The following PSD2 variants were observed in gnomAD, a reference collection of about 807,000 sequenced individuals.
The protein encoded by PSD2 is pleckstrin and Sec7 domain containing 2.
Under a neutral mutation model 69.8 loss-of-function variants are expected in PSD2, and 38 were observed. The observed-to-expected ratio is 0.54, with a 90% CI of 0.42 to 0.71. The LOEUF (loss-of-function observed/expected upper bound fraction) is 0.71. Among genes scored for constraint, PSD2 ranks in the 30% least tolerant of loss-of-function variants. The pLI is 0.00. For synonymous variants in PSD2, 412 were observed against 423.0 expected (o/e 0.97, Z 0.32); for missense variants, 943 against 1,014.5 (o/e 0.93, Z 0.96).
rs1760077648 is a variant in PSD2 at position 139,814,826 on chromosome 5, C to T, written c.1016+462C>T. On this transcript the variant is annotated intron_variant, in intron 4 of 14. Coordinates refer to ENST00000274710, the MANE Select transcript of PSD2 (RefSeq NM_032289.4). The surrounding 1 kb of genome is among the most constrained non-coding windows in gnomAD (Gnocchi z 4.4). ...GCTGAAGGGGCTGAAGCCCCCAAAG[C>T]ACACACCCTGGCCTTCAGACCAGGT... Among the ~76,000 whole-genome samples, 3 of 152,144 alleles carry T rather than the reference C, an allele frequency of 2.0e-5. No individual in the cohort carries two copies. The highest frequency in any genetic ancestry group is 1.3e-4 in the Admixed American group (2 of 15,286).
At position 139,817,710 on chromosome 5, in the gene PSD2, C is replaced by T. The variant is rs927141558; in HGVS notation, c.1097+149C>T. The T allele has an allele frequency of 9.4e-5, 62 of 662,644 alleles. 2 individuals carry two copies. The highest frequency in any genetic ancestry group is 8.7e-4 in the South Asian group (47 of 53,794). The allele number at this position is 662,644 out of a possible 1,614,324, so 41.0% of individuals were successfully genotyped here. On this transcript the variant is annotated intron_variant, in intron 5 of 14. Transcript: ENST00000274710. ...TGTGGGGAAGGGGCCACAGGAGCAG[C>T]AGCGGCCCAACAGTTAGGCGAGTGC...
At position 139,813,837 on chromosome 5, in the gene PSD2, T is replaced by C. The variant is rs908602007; in HGVS notation, c.821+79T>C. 12 of 1,260,304 alleles carry C rather than the reference T, an allele frequency of 9.5e-6. No individual in the cohort carries two copies. In the Middle Eastern group the frequency reaches 8.0e-4, roughly 84 times the overall value. 78.1% of individuals were successfully genotyped at this position (1,260,304 alleles called of 1,614,324 possible). A position where few individuals can be genotyped will look rare whatever the true frequency, so the allele number is the denominator to read the frequency against. ...CCAGAGGGGGCAAAGCAGGTTAGGG[T>C]GACTCAGTGTCCAGAGTCAGCATGC... On this transcript the variant is annotated intron_variant, in intron 3 of 14. Coordinates refer to ENST00000274710, the MANE Select transcript of PSD2 (RefSeq NM_032289.4).
At position 139,836,545 on chromosome 5, in the gene PSD2, C is replaced by T. The variant is rs113997458; in HGVS notation, c.1404-266C>T. ...AGACCTGGTGACAGTTAAGTCTCCA[C>T]GTTTGTGATCAAGGGTGACAATTTG... On this transcript the variant is annotated intron_variant, in intron 9 of 14. Transcript: ENST00000274710. 2.7e-3 allele frequency among the ~76,000 whole-genome samples: 408 copies of T among 152,252 alleles called. 1 individual carries two copies. The highest frequency in any genetic ancestry group is 9.2e-3 in the African/African-American group (380 of 41,526).
intron 2 of PSD2, among the ~76,000 whole-genome samples, chr5:139,811,314 G>C (rs1409188444): frequency 6.6e-6 from 1 of 152,104 alleles, no homozygotes; most frequent in East Asian, 1.9e-4. Flanking sequence ...AAGCACACTG[G>C]GACAGAATCT....
the PSD2 span, among the ~76,000 whole-genome samples, chr5:139,751,253 G>C: frequency 6.6e-6 from 1 of 152,118 alleles, no homozygotes; most frequent in Non-Finnish European, 1.5e-5. Flanking sequence ...TGCCTGAGAG[G>C]GGGGCGGAGG....
At chr5:139,769,425 T>G in the PSD2 span, among the ~76,000 whole-genome samples, 2 of 152,148 alleles carry the variant, frequency 1.3e-5, no homozygotes, top group Non-Finnish European at 2.9e-5. Context: ...AGGGCCTCCA[T>G]GTGACCTGCT....
the PSD2 span, among the ~76,000 whole-genome samples, chr5:139,759,410 A>T: frequency 2.4e-3 from 365 of 151,890 alleles, 1 homozygote; most frequent in African/African-American, 8.3e-3. Context: ...GCTGCCCCCG[A>T]TCGCGGTCAC....
upstream of PSD2, among the ~76,000 whole-genome samples, chr5:139,792,787 C>G (rs1581702314): frequency 6.7e-6 from 1 of 150,208 alleles, no homozygotes; most frequent in East Asian, 1.9e-4. Flanking sequence ...TCCTCCCTCC[C>G]TCCCTCTCTT....
the PSD2 span, among the ~76,000 whole-genome samples, chr5:139,750,766 T>G: frequency 6.6e-6 from 1 of 152,162 alleles, no homozygotes; most frequent in Non-Finnish European, 1.5e-5. Context: ...TTGTGGGGCC[T>G]GGGTGTCTGG....
At chr5:139,759,520 C>T in the PSD2 span, among the ~76,000 whole-genome samples, 6 of 152,098 alleles carry the variant, frequency 3.9e-5, no homozygotes, top group Non-Finnish European at 7.4e-5. Context: ...TCCTTTTCTG[C>T]GGCGGATGAC....
chr5:139,764,337 G>T, the PSD2 span, among the ~76,000 whole-genome samples: 1 of 152,210 alleles, frequency 6.6e-6, no homozygotes, highest in African/African-American at 2.4e-5. Flanking sequence ...GGGGCTGCAG[G>T]GAGGGCTTGG....
chr5:139,746,699 C>T, the PSD2 span, among the ~76,000 whole-genome samples: 1 of 152,316 alleles, frequency 6.6e-6, no homozygotes, highest in Non-Finnish European at 1.5e-5. This position sits in a 1 kb window ranked among gnomAD's most constrained non-coding sequence, Gnocchi z 4.5. Flanking sequence ...GGCTGCTAGA[C>T]AGGCTGGCTT....
chr5:139,843,271 C>T lies in PSD2; in HGVS notation c.*797C>T, dbSNP rs548298818. 1 of 152,324 alleles carries T rather than the reference C, an allele frequency of 6.6e-6. No homozygotes were observed. The highest frequency in any genetic ancestry group is 2.4e-5 in the African/African-American group (1 of 41,574). The allele number at this position is 152,324 out of a possible 1,614,324, so 9.4% of individuals were successfully genotyped here. ...CTGGCCCCCTGGCATTCCTGACGCT[C>T]TAGGAGGGAAGGGGGAGGCAGTGCT... On this transcript the variant is annotated 3_prime_UTR_variant, in exon 15 of 15. Coordinates refer to ENST00000274710, the MANE Select transcript of PSD2 (RefSeq NM_032289.4).
At chr5:139,750,373 ACT>A in the PSD2 span, among the ~76,000 whole-genome samples, 4 of 151,862 alleles carry the variant, frequency 2.6e-5, no homozygotes, top group Non-Finnish European at 5.9e-5. Flanking sequence ...GAATATCTCA[ACT>A]CCAAACTGCC....
the PSD2 span, among the ~76,000 whole-genome samples, chr5:139,772,206 G>A: frequency 6.6e-6 from 1 of 152,150 alleles, no homozygotes; most frequent in African/African-American, 2.4e-5. Flanking sequence ...AGGCAGCACA[G>A]GGGGCATTAG....
Position 139,809,550 on chromosome 5 carries a change from A to C in PSD2, c.110A>C (p.Glu37Ala). 2 of 1,613,844 alleles carry C rather than the reference A, an allele frequency of 1.2e-6. No homozygotes were observed. Among genetic ancestry groups the C allele is most frequent in the Non-Finnish European group, 1.7e-6 (2 of 1,179,798 alleles). ...EPGVRNGMAS[E>A]GLNSSLCSPG... is the part of the protein sequence containing the mutation. Reference sequence around the variant, plus strand: ...GGGGTCCGGAATGGGATGGCCAGTGAGGGCCTGAACAGCAGCCTCTGCAGC... The same window carrying C: ...GGGGTCCGGAATGGGATGGCCAGTGCGGGCCTGAACAGCAGCCTCTGCAGC... Residue 37 changes from glutamate to alanine, a missense_variant, in exon 2 of 15, where the codon GAG (glutamate) becomes GCG (alanine). Coordinates refer to ENST00000274710, the MANE Select transcript of PSD2 (RefSeq NM_032289.4).
chr5:139,766,583 C>T, the PSD2 span, among the ~76,000 whole-genome samples: 31 of 152,280 alleles, frequency 2.0e-4, no homozygotes, highest in East Asian at 5.6e-3. Context: ...CCTGTAGGAC[C>T]CTCCATGGTT....
At chr5:139,779,388 C>T in the PSD2 span, among the ~76,000 whole-genome samples, 1 of 152,142 alleles carries the variant, frequency 6.6e-6, no homozygotes, top group African/African-American at 2.4e-5. Context: ...TTAGTGCCAT[C>T]TTTGTCTTGT....
rs193116962 is a variant in PSD2 at position 139,825,083 on chromosome 5, A to G, written c.1269+2299A>G. Among the ~76,000 whole-genome samples, 30 of 152,358 alleles carry G rather than the reference A, an allele frequency of 2.0e-4. No homozygotes were observed. In the East Asian group the frequency reaches 5.4e-3, roughly 27 times the overall value. On this transcript the variant is annotated intron_variant, in intron 7 of 14. Coordinates refer to ENST00000274710, the MANE Select transcript of PSD2 (RefSeq NM_032289.4). Reference sequence around the variant, plus strand: ...AACAACAACCCTGCTTTTGTGTTCCATGAACAAGACAAGAAAGGGAGCCCC... The same window carrying G: ...AACAACAACCCTGCTTTTGTGTTCCGTGAACAAGACAAGAAAGGGAGCCCC...
Sources: gnomAD v4.1 joint callset for allele counts (sites outside exome capture counted in the v4.1 genomes callset) on GRCh38, gnomAD v4.1.1 for gene constraint, Gnocchi (gnomAD v3.1) non-coding constraint, MANE v1.5 for transcripts, NCBI Gene and HGNC (gene_info 2026-07-23, HGNC 2026-07-21) for gene names.